The following SLC6A16 variants were observed in gnomAD, a reference collection of about 807,000 sequenced individuals.
The protein encoded by SLC6A16 is orphan sodium- and chloride-dependent neurotransmitter transporter NTT5.
In SLC6A16, 54 loss-of-function variants were observed where a neutral mutation model predicts 65.4. The ratio of observed to expected loss-of-function variants is 0.83; its 90% CI spans 0.66 to 1.04. The LOEUF (loss-of-function observed/expected upper bound fraction) is 1.04. SLC6A16 is among the 50% of genes least tolerant of loss of function. The pLI, the probability that SLC6A16 is intolerant of heterozygous loss-of-function variation, is 0.00. For synonymous variants in SLC6A16, 330 were observed against 346.5 expected (o/e 0.95, Z 0.53); for missense variants, 816 against 914.0 (o/e 0.89, Z 1.38).
At chr19:49,335,448 CTT>C in the SLC6A16 span, 2 of 930,544 alleles carry the variant, frequency 2.1e-6, no homozygotes, top group African/African-American at 3.5e-5. The surrounding 1 kb of genome is among the most constrained non-coding windows in gnomAD (Gnocchi z 4.6). Flanking sequence ...CTCCGTCTCT[CTT>C]TCTCTCTCAG....
upstream of SLC6A16, chr19:49,325,275 C>G: frequency 1.0e-6 from 1 of 981,602 alleles, no homozygotes; most frequent in Middle Eastern, 5.2e-4. Flanking sequence ...GTAGCAAACA[C>G]TGTAACCACT....
chr19:49,333,453 G>A, the SLC6A16 span, among the ~76,000 whole-genome samples: 37 of 152,310 alleles, frequency 2.4e-4, no homozygotes, highest in Non-Finnish European at 4.4e-4. Flanking sequence ...CCTGGGCGAA[G>A]AGTGAGACTC....
At chr19:49,303,386 T>C (rs1048358415) in intron 7 of SLC6A16, among the ~76,000 whole-genome samples, 2 of 152,138 alleles carry the variant, frequency 1.3e-5, no homozygotes, top group African/African-American at 4.8e-5. Context: ...GGGTGGCTCA[T>C]GCCTGTAATA....
At position 49,289,961 on chromosome 19, in the gene SLC6A16, G is replaced by A; in HGVS notation, c.*162C>T. The A allele has an allele frequency of 1.5e-6, 1 of 666,822 alleles. No individual in the cohort carries two copies. The highest frequency in any genetic ancestry group is 2.5e-6 in the Non-Finnish European group (1 of 395,920). The allele number at this position is 666,822 out of a possible 1,614,324, so 41.3% of individuals were successfully genotyped here. On this transcript the variant is annotated 3_prime_UTR_variant, in exon 12 of 12. Transcript: ENST00000335875. ...CCAGGTAAGATGGGACCCAGGAAGG[G>A]ATTGCAAGTCCAGGCCCCATGAACA... is the stretch of plus-strand genomic sequence containing the variant.
chr19:49,335,898 C>T, the SLC6A16 span: 2 of 822,998 alleles, frequency 2.4e-6, no homozygotes, highest in Non-Finnish European at 4.1e-6. This position sits in a 1 kb window ranked among gnomAD's most constrained non-coding sequence, Gnocchi z 4.6. Flanking sequence ...AGGCTACAGG[C>T]TCCCATCCAC....
intron 7 of SLC6A16, among the ~76,000 whole-genome samples, chr19:49,301,835 A>G (rs1485332126): frequency 6.6e-6 from 1 of 152,076 alleles, no homozygotes; most frequent in African/African-American, 2.4e-5. Context: ...TCCTCTATGG[A>G]GTCACCCCAG....
intron 1 of SLC6A16, among the ~76,000 whole-genome samples, chr19:49,323,929 C>G (rs1319640895): frequency 2.0e-5 from 3 of 152,146 alleles, no homozygotes; most frequent in Non-Finnish European, 2.9e-5. Context: ...CTTTGAAAGG[C>G]TGAGGTGGAA....
intron 1 of SLC6A16, among the ~76,000 whole-genome samples, chr19:49,319,450 CATATACAT>C (rs907458117): frequency 1.1e-3 from 166 of 149,934 alleles, no homozygotes; most frequent in Non-Finnish European, 1.3e-3. Flanking sequence ...AATACATATA[CATATACAT>C]ATGTGTATAT....
At chr19:49,306,514 A>G (rs1970389017) in intron 7 of SLC6A16, among the ~76,000 whole-genome samples, 1 of 151,612 alleles carries the variant, frequency 6.6e-6, no homozygotes, top group East Asian at 1.9e-4. Flanking sequence ...AAAAACATTA[A>G]TCACTATCCT....
At chr19:49,291,284 A>G (rs1970073842) in intron 10 of SLC6A16, among the ~76,000 whole-genome samples, 1 of 151,790 alleles carries the variant, frequency 6.6e-6, no homozygotes, top group Admixed American at 6.6e-5. Flanking sequence ...CTGCTCAAGC[A>G]TCCTCTTCTC....
intron 1 of SLC6A16, among the ~76,000 whole-genome samples, chr19:49,316,674 T>C (rs1303190051): frequency 6.6e-6 from 1 of 150,936 alleles, no homozygotes; most frequent in Non-Finnish European, 1.5e-5. Context: ...GAGGCCACAA[T>C]GAGGAGAAAT....
chr19:49,339,491 T>C, the SLC6A16 span: 1 of 1,542,858 alleles, frequency 6.5e-7, no homozygotes, highest in South Asian at 1.1e-5. The surrounding 1 kb of genome is among the most constrained non-coding windows in gnomAD (Gnocchi z 4.5). Context: ...GTCCTTCGGT[T>C]GCCTGGGAAG....
chr19:49,299,018 G>A (rs1200432650), intron 7 of SLC6A16, among the ~76,000 whole-genome samples: 4 of 151,542 alleles, frequency 2.6e-5, no homozygotes, highest in African/African-American at 4.9e-5. Context: ...GGCAGAGGCA[G>A]GCAGATCACG....
chr19:49,329,781 C>T (rs1970830918), upstream of SLC6A16, among the ~76,000 whole-genome samples: 1 of 151,772 alleles, frequency 6.6e-6, no homozygotes, highest in South Asian at 2.1e-4. Flanking sequence ...TACAGGCGCC[C>T]GCCACTACGC....
intron 10 of SLC6A16, among the ~76,000 whole-genome samples, chr19:49,291,653 CA>C (rs1265630563): frequency 1.2e-4 from 18 of 152,048 alleles, no homozygotes; most frequent in Non-Finnish European, 7.4e-5. Flanking sequence ...CAGCACTGAA[CA>C]CAGATAAAAG....
At chr19:49,295,385 A>C (rs1267591864) in intron 7 of SLC6A16, among the ~76,000 whole-genome samples, 1 of 152,148 alleles carries the variant, frequency 6.6e-6, no homozygotes, top group Non-Finnish European at 1.5e-5. Context: ...TTCAAAAAAA[A>C]AAAAAATTCA....
intron 1 of SLC6A16, among the ~76,000 whole-genome samples, chr19:49,314,524 A>G (rs1970583931): frequency 6.6e-6 from 1 of 152,228 alleles, no homozygotes; most frequent in Admixed American, 6.5e-5. Context: ...ACAAGCAAGA[A>G]TCATCAATGG....
chr19:49,292,266 C>T lies in SLC6A16; in HGVS notation c.1778+957G>A, dbSNP rs11670244. ...CCTGTAATCCCAGCTACTCAGAAGG[C>T]TGAGGGAGGAGAATTGCTTGAACCC... On this transcript the variant is annotated intron_variant, in intron 10 of 11. Coordinates refer to ENST00000335875, the MANE Select transcript of SLC6A16 (RefSeq NM_014037.3). The surrounding 1 kb of genome is among the most constrained non-coding windows in gnomAD (Gnocchi z 4.3). Among the ~76,000 whole-genome samples, 626 of 152,202 alleles carry T rather than the reference C, an allele frequency of 4.1e-3. 1 individual carries two copies. The highest frequency in any genetic ancestry group is 5.4e-3 in the Non-Finnish European group (365 of 68,024).
At chr19:49,320,660 C>A (rs1045002277) in intron 1 of SLC6A16, among the ~76,000 whole-genome samples, 2 of 151,870 alleles carry the variant, frequency 1.3e-5, no homozygotes, top group Non-Finnish European at 2.9e-5. Context: ...ATGATTAAAA[C>A]CAGAAATGAA....
Sources: gnomAD v4.1 joint callset for allele counts (sites outside exome capture counted in the v4.1 genomes callset) on GRCh38, gnomAD v4.1.1 for gene constraint, Gnocchi (gnomAD v3.1) non-coding constraint, MANE v1.5 for transcripts, NCBI Gene and HGNC (gene_info 2026-07-23, HGNC 2026-07-21) for gene names.